Variants in SNAP29 observed in about 807,000 individuals in gnomAD.
SNAP29 encodes the protein synaptosome associated protein 29.
A neutral mutation model predicts 27.9 loss-of-function variants in SNAP29; 13 were observed. That is an observed-to-expected ratio of 0.47 (90% CI 0.30 to 0.74). The LOEUF (loss-of-function observed/expected upper bound fraction) is 0.74, where lower values mean the gene tolerates loss of function less well. Ranked by LOEUF, SNAP29 falls within the 30% of genes least tolerant of loss-of-function variation. The probability of loss-of-function intolerance (pLI) is 0.06; values close to 1 mark genes in which losing one functional copy is unlikely to be tolerated. For synonymous variants in SNAP29, 119 were observed against 127.1 expected (o/e 0.94, Z 0.43); for missense variants, 368 against 336.5 (o/e 1.09, Z -0.73).
chr22:20,874,261 C>T (rs1460456897), intron 2 of SNAP29, among the ~76,000 whole-genome samples: 1 of 151,268 alleles, frequency 6.6e-6, no homozygotes, highest in African/African-American at 2.4e-5. Context: ...GAGATCACGC[C>T]ACTGCACTCC....
In SNAP29 at chr22:20,888,995, A is replaced by G. The variant is rs1399561862; in HGVS notation, c.*1159A>G. 6.6e-6 allele frequency: 1 copy of G among 152,238 alleles called. No individual in the cohort carries two copies. The highest frequency in any genetic ancestry group is 6.5e-5 in the Admixed American group (1 of 15,280). The allele number at this position is 152,238 out of a possible 1,614,324, so 9.4% of individuals were successfully genotyped here. A position where few individuals can be genotyped will look rare whatever the true frequency, so the allele number is the denominator to read the frequency against. On this transcript the variant is annotated 3_prime_UTR_variant, in exon 5 of 5. Coordinates refer to ENST00000215730, the MANE Select transcript of SNAP29 (RefSeq NM_004782.4). ...TTTCTCCTTTCATTTTACAAAAGAA[A>G]TCATGCAGAAGCATCAATTAAAACT...
At chr22:20,874,550 G>A (rs1447891620) in intron 2 of SNAP29, among the ~76,000 whole-genome samples, 1 of 150,442 alleles carries the variant, frequency 6.6e-6, no homozygotes, top group African/African-American at 2.5e-5. Context: ...ACTCCAGCCT[G>A]GGTGACAGAG....
intron 3 of SNAP29, among the ~76,000 whole-genome samples, chr22:20,883,229 T>G (rs1015140089): frequency 6.6e-6 from 1 of 152,174 alleles, no homozygotes; most frequent in African/African-American, 2.4e-5. Flanking sequence ...ACCCTTAATT[T>G]GAGGGTGTTT....
In SNAP29 at chr22:20,889,888, A is replaced by G; in HGVS notation, c.*2052A>G. Reference sequence around the variant, plus strand: ...AGCACAGTAACATCTTATTTTATGCACATTCCCTGTCTTTTGCTGGACTGA... The same window carrying G: ...AGCACAGTAACATCTTATTTTATGCGCATTCCCTGTCTTTTGCTGGACTGA... On this transcript the variant is annotated 3_prime_UTR_variant, in exon 5 of 5. Coordinates refer to ENST00000215730, the MANE Select transcript of SNAP29 (RefSeq NM_004782.4). The G allele has an allele frequency of 5.7e-6, 1 of 174,916 alleles. No individual in the cohort carries two copies. Among genetic ancestry groups the G allele is most frequent in the Non-Finnish European group, 1.2e-5 (1 of 83,280 alleles). 10.8% of individuals were successfully genotyped at this position (174,916 alleles called of 1,614,324 possible). A position where few individuals can be genotyped will look rare whatever the true frequency, so the allele number is the denominator to read the frequency against.
At chr22:20,872,525 C>T (rs925700718) in intron 2 of SNAP29, among the ~76,000 whole-genome samples, 8 of 152,062 alleles carry the variant, frequency 5.3e-5, no homozygotes, top group African/African-American at 1.7e-4. Context: ...CTCAGCCTCC[C>T]GAGTAGCTGG....
At position 20,859,076 on chromosome 22, in the gene SNAP29, C is replaced by T. The variant is rs754801836; in HGVS notation, c.-35C>T. 10 of 1,538,352 alleles carry T rather than the reference C, an allele frequency of 6.5e-6. No individual in the cohort carries two copies. Among genetic ancestry groups the T allele is most frequent in the East Asian group, 4.6e-5 (2 of 43,954 alleles). ...GACGGCGGCGGCAGTGGGGCTCCTCCTTCTGTTTCCCAGACCGAGAGCCGC... is the reference window on the plus strand; with the variant it reads ...GACGGCGGCGGCAGTGGGGCTCCTCTTTCTGTTTCCCAGACCGAGAGCCGC... On this transcript the variant is annotated 5_prime_UTR_variant, in exon 1 of 5. Transcript: ENST00000215730.
intron 2 of SNAP29, among the ~76,000 whole-genome samples, chr22:20,871,466 A>G (rs1217598524): frequency 7.0e-6 from 1 of 143,496 alleles, no homozygotes; most frequent in African/African-American, 2.6e-5. Flanking sequence ...CATCAGTGAC[A>G]GAGTCTCCCT....
At chr22:20,873,874 G>A (rs943498512) in intron 2 of SNAP29, among the ~76,000 whole-genome samples, 4 of 148,386 alleles carry the variant, frequency 2.7e-5, no homozygotes, top group Admixed American at 2.1e-4. Context: ...AGGCTGAGGA[G>A]GAGAATCCCT....
intron 1 of SNAP29, among the ~76,000 whole-genome samples, chr22:20,860,897 C>T (rs759832537): frequency 3.3e-5 from 5 of 149,648 alleles, no homozygotes; most frequent in Non-Finnish European, 5.9e-5. Flanking sequence ...ATTAGCCAGG[C>T]ATGGTGGCAC....
rs116842485 is a variant in SNAP29, at chr22:20,869,004, C to T, written c.238-1333C>T. On this transcript the variant is annotated intron_variant, in intron 1 of 4. Transcript: ENST00000215730. The stretch of plus-strand genomic sequence containing the variant: ...CCTCGTGGAGCTCATATGCTGTGAG[C>T]GGTGGCTCATGCCTGTAATCCCAGC... Among the ~76,000 whole-genome samples, 899 of 152,236 alleles carry T rather than the reference C, an allele frequency of 5.9e-3. 8 individuals carry two copies. Among genetic ancestry groups the T allele is most frequent in the East Asian group, 0.054 (281 of 5,174 alleles).
chr22:20,874,336 ACAC>A (rs1400692418), intron 2 of SNAP29, among the ~76,000 whole-genome samples: 16 of 145,062 alleles, frequency 1.1e-4, no homozygotes, highest in African/African-American at 4.0e-4. Context: ...ACACACACAC[ACAC>A]GAAAATTAGC....
chr22:20,876,613 G>A lies in SNAP29; in HGVS notation c.435-4436G>A, dbSNP rs573734558. Among the ~76,000 whole-genome samples, 226 of 149,204 alleles carry A rather than the reference G, an allele frequency of 1.5e-3. 2 individuals carry two copies. Among genetic ancestry groups the A allele is most frequent in the African/African-American group, 5.5e-3 (221 of 40,382 alleles). On this transcript the variant is annotated intron_variant, in intron 2 of 4. Transcript: ENST00000215730. Reference sequence around the variant, plus strand: ...GATGGAATCTCGCTCTGTCACCCAGGCTGGAGTGCAGTGGCGTGATCTCGG... The same window carrying A: ...GATGGAATCTCGCTCTGTCACCCAGACTGGAGTGCAGTGGCGTGATCTCGG...
At chr22:20,874,294 TCTGACACACA>T (rs1483015996) in intron 2 of SNAP29, among the ~76,000 whole-genome samples, 2 of 143,134 alleles carry the variant, frequency 1.4e-5, no homozygotes, top group Admixed American at 7.5e-5. Context: ...AGAGCAAGAC[TCTGACACACA>T]CAGACACACA....
Position 20,890,266 on chromosome 22 carries a change from G to A in SNAP29, c.*2430G>A, listed in dbSNP as rs1020375078. On this transcript the variant is annotated 3_prime_UTR_variant, in exon 5 of 5. Coordinates refer to ENST00000215730, the MANE Select transcript of SNAP29 (RefSeq NM_004782.4). ...AACTTTTCACATGATGATTGGGATC[G>A]ACAAAAAAATGCTACCCTCTAGACT... The A allele has an allele frequency of 1.2e-4, 47 of 398,450 alleles. No homozygotes were observed. The highest frequency in any genetic ancestry group is 8.0e-4 in the African/African-American group (39 of 48,696). 24.7% of individuals were successfully genotyped at this position (398,450 alleles called of 1,614,324 possible). A position where few individuals can be genotyped will look rare whatever the true frequency, so the allele number is the denominator to read the frequency against.
chr22:20,887,856 C>G lies in SNAP29; in HGVS notation c.*20C>G. ...CTCTGAAGACAGACGGATTTCCACT[C>G]TATTGTGATGAAAAGATTTGAAAGA... On this transcript the variant is annotated 3_prime_UTR_variant, in exon 5 of 5. Coordinates refer to ENST00000215730, the MANE Select transcript of SNAP29 (RefSeq NM_004782.4). 1 of 1,610,402 alleles carries G rather than the reference C, an allele frequency of 6.2e-7. No individual in the cohort carries two copies. Among genetic ancestry groups the G allele is most frequent in the African/African-American group, 1.3e-5 (1 of 74,978 alleles).
Position 20,890,758 on chromosome 22 carries a change from CAAA to C in SNAP29, c.*2942_*2944del, listed in dbSNP as rs361606. 0.023 allele frequency: 2,000 copies of C among 88,554 alleles called. 22 individuals carry two copies. Among genetic ancestry groups the C allele is most frequent in the Middle Eastern group, 0.05 (8 of 160 alleles). 5.5% of individuals were successfully genotyped at this position (88,554 alleles called of 1,614,324 possible). A position where few individuals can be genotyped will look rare whatever the true frequency, so the allele number is the denominator to read the frequency against. ...TGGGCAACAGAGCAAGACTCCGTCT[CAAA>C]AAAAAAAAAAAAAAAAAAATAGTGC... On this transcript the variant is annotated 3_prime_UTR_variant, in exon 5 of 5. Transcript: ENST00000215730.
intron 2 of SNAP29, among the ~76,000 whole-genome samples, chr22:20,879,003 A>C (rs1352334877): frequency 6.6e-6 from 1 of 152,220 alleles, no homozygotes; most frequent in African/African-American, 2.4e-5. Flanking sequence ...TTTTAGTGAC[A>C]AAATTTAAAA....
intron 2 of SNAP29, among the ~76,000 whole-genome samples, chr22:20,871,326 A>T (rs1231195882): frequency 6.6e-6 from 1 of 151,458 alleles, no homozygotes; most frequent in South Asian, 2.1e-4. Flanking sequence ...ACTAAAAAAA[A>T]AAAAAAATTA....
In SNAP29 at chr22:20,888,477, C is replaced by G. The variant is rs1207549743; in HGVS notation, c.*641C>G. On this transcript the variant is annotated 3_prime_UTR_variant, in exon 5 of 5. Coordinates refer to ENST00000215730, the MANE Select transcript of SNAP29 (RefSeq NM_004782.4). ...GATGTCCCCGCTTCCCTCCAGCCCC[C>G]CATCCTTGGCATGTATATTAGTAGG... 1.2e-5 allele frequency: 2 copies of G among 164,516 alleles called. No individual in the cohort carries two copies. The highest frequency in any genetic ancestry group is 1.1e-4 in the Admixed American group (2 of 17,412). The allele number at this position is 164,516 out of a possible 1,614,324, so 10.2% of individuals were successfully genotyped here.
Sources: gnomAD v4.1 joint callset for allele counts (sites outside exome capture counted in the v4.1 genomes callset) on GRCh38, gnomAD v4.1.1 for gene constraint, MANE v1.5 for transcripts, NCBI Gene and HGNC (gene_info 2026-07-23, HGNC 2026-07-21) for gene names.